Variants in CDC73 observed in about 807,000 individuals in gnomAD.
The protein encoded by CDC73 is parafibromin.
A neutral mutation model predicts 83.7 loss-of-function variants in CDC73; 21 were observed. That is an observed-to-expected ratio of 0.25 (90% CI 0.18 to 0.36). The LOEUF (loss-of-function observed/expected upper bound fraction) is 0.36, where lower values mean the gene tolerates loss of function less well. CDC73 is among the 10% of genes least tolerant of loss of function. CDC73 has a pLI of 1.00. For synonymous variants in CDC73, 224 were observed against 212.9 expected (o/e 1.05, Z -0.45); for missense variants, 342 against 653.3 (o/e 0.52, Z 5.19).
intron 10 of CDC73, among the ~76,000 whole-genome samples, chr1:193,159,815 CTT>C (rs1277116290): frequency 2.0e-5 from 3 of 152,136 alleles, no homozygotes; most frequent in Non-Finnish European, 4.4e-5. Context: ...AGACTGAACA[CTT>C]ATTTAGATGG....
At chr1:193,165,029 G>A (rs114882666) in intron 10 of CDC73, among the ~76,000 whole-genome samples, 3,607 of 152,282 alleles carry the variant, frequency 0.024, 60 homozygotes, top group Non-Finnish European at 0.036. Context: ...GGAGAGAAGA[G>A]CAGGGATTTC....
chr1:193,171,382 G>A (rs1558297115), intron 10 of CDC73, among the ~76,000 whole-genome samples: 1 of 152,166 alleles, frequency 6.6e-6, no homozygotes, highest in African/African-American at 2.4e-5. Flanking sequence ...CTGAAGTCAA[G>A]GTGTCAACAG....
intron 11 of CDC73, among the ~76,000 whole-genome samples, chr1:193,205,712 G>C (rs1324439662): frequency 2.6e-5 from 4 of 152,000 alleles, no homozygotes; most frequent in African/African-American, 7.2e-5. Context: ...AGCATAAGAA[G>C]AACAATTAAA....
At chr1:193,123,516 G>A (rs576586693) in intron 1 of CDC73, among the ~76,000 whole-genome samples, 3 of 152,152 alleles carry the variant, frequency 2.0e-5, no homozygotes, top group Non-Finnish European at 4.4e-5. Context: ...CGTGAGCCAC[G>A]GCGCCCTGCC....
At chr1:193,161,166 T>A in intron 10 of CDC73, 1 of 177,350 alleles carries the variant, frequency 5.6e-6, no homozygotes, top group South Asian at 2.0e-4. Context: ...GTTCTTCTTG[T>A]CTTTCCTGCT....
intron 13 of CDC73, among the ~76,000 whole-genome samples, chr1:193,230,297 C>A (rs375066971): frequency 6.6e-6 from 1 of 151,392 alleles, no homozygotes; most frequent in Non-Finnish European, 1.5e-5. Flanking sequence ...TACAAGCGCA[C>A]GCCACCACAC....
chr1:193,202,642 G>A (rs533493970), intron 10 of CDC73, among the ~76,000 whole-genome samples: 1 of 139,126 alleles, frequency 7.2e-6, no homozygotes, highest in South Asian at 2.3e-4. Context: ...CCTTCTTGGA[G>A]TTTTTGCTAC....
At chr1:193,234,267 TTATAA>T (rs1293866112) in intron 14 of CDC73, among the ~76,000 whole-genome samples, 2 of 108,894 alleles carry the variant, frequency 1.8e-5, no homozygotes, top group African/African-American at 7.1e-5. Flanking sequence ...TATAATTTAA[TTATAA>T]TATATATAAT....
At chr1:193,172,080 A>G (rs962117197) in intron 10 of CDC73, among the ~76,000 whole-genome samples, 1 of 151,924 alleles carries the variant, frequency 6.6e-6, no homozygotes, top group African/African-American at 2.4e-5. Flanking sequence ...GTGCGCCACC[A>G]CACCTGGCTA....
At chr1:193,209,745 C>T (rs1677245164) in intron 11 of CDC73, among the ~76,000 whole-genome samples, 1 of 152,048 alleles carries the variant, frequency 6.6e-6, no homozygotes, top group South Asian at 2.1e-4. Context: ...TATATTGGGT[C>T]TTCTCAGCCT....
chr1:193,220,521 A>G (rs918533455), intron 13 of CDC73, among the ~76,000 whole-genome samples: 2 of 152,182 alleles, frequency 1.3e-5, no homozygotes, highest in Non-Finnish European at 2.9e-5. Flanking sequence ...TCAAAGTGAG[A>G]AGCCAATTTG....
Position 193,251,637 on chromosome 1 carries a change from C to T in CDC73, c.*925C>T. 2 of 231,980 alleles carry T rather than the reference C, an allele frequency of 8.6e-6. No homozygotes were observed. Among genetic ancestry groups the T allele is most frequent in the Non-Finnish European group, 1.7e-5 (2 of 117,028 alleles). 14.4% of individuals were successfully genotyped at this position (231,980 alleles called of 1,614,324 possible). On this transcript the variant is annotated 3_prime_UTR_variant, in exon 17 of 17. Transcript: ENST00000367435. ...ATTATCCCTAAATATTGATAAACTC[C>T]CAGGCACCAAAGAAAACATTTGCTT...
rs1678043221 is a variant in CDC73 at position 193,251,589 on chromosome 1, C to G, written c.*877C>G. 4.3e-6 allele frequency: 1 copy of G among 232,016 alleles called. No homozygotes were observed. Among genetic ancestry groups the G allele is most frequent in the African/African-American group, 2.2e-5 (1 of 45,260 alleles). The allele number at this position is 232,016 out of a possible 1,614,324, so 14.4% of individuals were successfully genotyped here. On this transcript the variant is annotated 3_prime_UTR_variant, in exon 17 of 17. Coordinates refer to ENST00000367435, the MANE Select transcript of CDC73 (RefSeq NM_024529.5). The stretch of plus-strand genomic sequence containing the variant: ...TTTGAATCTTCTATTTTAGGCTTGT[C>G]AGTCTTGGAGTTCTTATCTTCCATT...
rs1572142567 is a variant in CDC73, at chr1:193,125,158, A to G, written c.178A>G (p.Ile60Val). ...CAGAGAGTACTACACATTGGATTCC[A>G]TTTTATTTCTACTTAATAACGTGCA... Reference protein sequence around the residue: ...QPREYYTLDSILFLLNNVHLS... With the variant: ...QPREYYTLDSVLFLLNNVHLS... Residue 60 changes from isoleucine (I) to valine (V), a missense_variant, in exon 2 of 17, where the codon ATT (isoleucine) becomes GTT (valine). Physicochemically the swap from Ile to Val is conservative, Grantham distance 29. Coordinates refer to ENST00000367435, the MANE Select transcript of CDC73 (RefSeq NM_024529.5). The G allele has an allele frequency of 6.2e-7, 1 of 1,611,390 alleles. No individual in the cohort carries two copies. Among genetic ancestry groups the G allele is most frequent in the Non-Finnish European group, 8.5e-7 (1 of 1,177,460 alleles).
chr1:193,179,333 A>G lies in CDC73; in HGVS notation c.973-24462A>G, dbSNP rs1284327760. The G allele has an allele frequency of 2.0e-5, 3 of 152,410 alleles. No homozygotes were observed. In the East Asian group the frequency reaches 5.8e-4, roughly 29 times the overall value. 9.4% of individuals were successfully genotyped at this position (152,410 alleles called of 1,614,324 possible). Reference sequence around the variant, plus strand: ...GTATGTTGCATTTTGGCAGACATGCATCTTAAAAATGTGTTGAATGAAACT... The same window carrying G: ...GTATGTTGCATTTTGGCAGACATGCGTCTTAAAAATGTGTTGAATGAAACT... On this transcript the variant is annotated intron_variant, in intron 10 of 16. Transcript: ENST00000367435.
chr1:193,221,552 T>TA (rs1193460250), intron 13 of CDC73, among the ~76,000 whole-genome samples: 1 of 152,028 alleles, frequency 6.6e-6, no homozygotes, highest in South Asian at 2.1e-4. Context: ...TGTGGAATGT[T>TA]AAAAAAAAGA....
chr1:193,192,367 T>C (rs1572188804), intron 10 of CDC73, among the ~76,000 whole-genome samples: 2 of 152,256 alleles, frequency 1.3e-5, no homozygotes, highest in East Asian at 1.9e-4. Flanking sequence ...CACTTGGACC[T>C]GGGAGGCGGA....
intron 16 of CDC73, 38 bp from the exon 17 acceptor site, chr1:193,250,638 C>T: frequency 6.8e-7 from 1 of 1,478,680 alleles, no homozygotes; most frequent in Non-Finnish European, 9.4e-7. Flanking sequence ...TTCTAAAATT[C>T]CTATAGTCAT....
rs1020191220 is a variant in CDC73 at position 193,122,090 on chromosome 1, C to G, written c.-111C>G. 1.9e-6 allele frequency: 2 copies of G among 1,029,794 alleles called. No individual in the cohort carries two copies. Among genetic ancestry groups the G allele is most frequent in the Admixed American group, 3.9e-5 (2 of 50,736 alleles). 63.8% of individuals were successfully genotyped at this position (1,029,794 alleles called of 1,614,324 possible). A position where few individuals can be genotyped will look rare whatever the true frequency, so the allele number is the denominator to read the frequency against. On this transcript the variant is annotated 5_prime_UTR_variant, in exon 1 of 17. Coordinates refer to ENST00000367435, the MANE Select transcript of CDC73 (RefSeq NM_024529.5). ...GCTGTTAGTGCTGCTGCTGTTGGTT[C>G]GTCGCGGCGGCGAAGGAGGAGGAGG...
Sources: allele counts gnomAD v4.1 joint callset (sites outside exome capture counted in the v4.1 genomes callset), GRCh38; gene constraint gnomAD v4.1.1; transcripts MANE v1.5; gene names NCBI Gene and HGNC (gene_info 2026-07-23, HGNC 2026-07-21).